The following USP24 variants were observed in gnomAD, a reference collection of about 807,000 sequenced individuals.
USP24 encodes the protein ubiquitin specific peptidase 24, also known as ubiquitin carboxyl-terminal hydrolase 24.
USP24 carries 97 observed loss-of-function variants against 361.6 expected under a neutral mutation model. The observed-to-expected ratio is 0.27, with a 90% CI of 0.23 to 0.32. The LOEUF (loss-of-function observed/expected upper bound fraction) is 0.32, where lower values mean the gene tolerates loss of function less well. USP24 is among the 10% of genes least tolerant of loss of function. The probability of loss-of-function intolerance (pLI) is 1.00; values close to 1 mark genes in which losing one functional copy is unlikely to be tolerated. For missense variants in USP24, 2,353 were observed against 3,165.6 expected (o/e 0.74, Z 6.16); for synonymous variants, 1,098 against 1,124.6 (o/e 0.98, Z 0.47).
At chr1:55,109,448 T>C (rs1645887862) in intron 39 of USP24, among the ~76,000 whole-genome samples, 1 of 152,234 alleles carries the variant, frequency 6.6e-6, no homozygotes. Context: ...TTTGAGAAAC[T>C]ATTCTATTTC....
intron 42 of USP24, 141 bp from the exon 43 acceptor site, chr1:55,101,844 A>G (rs1645643047): frequency 9.1e-7 from 1 of 1,102,008 alleles, no homozygotes; most frequent in Non-Finnish European, 1.2e-6. Flanking sequence ...GGCAAAACCT[A>G]TGTTCATGAA....
At chr1:55,093,735 TC>T in intron 52 of USP24, 1 of 571,952 alleles carries the variant, frequency 1.7e-6, no homozygotes, top group South Asian at 3.0e-5. Flanking sequence ...GAGTGTGTAT[TC>T]ATACTTGTGT....
intron 41 of USP24, among the ~76,000 whole-genome samples, chr1:55,105,324 T>A (rs1328847149): frequency 3.3e-5 from 5 of 151,610 alleles, no homozygotes; most frequent in Admixed American, 6.6e-5. Flanking sequence ...AGGGTTTTAC[T>A]TTTTTTTCTT....
At chr1:55,095,136 C>A in intron 51 of USP24, 119 bp downstream of exon 51, 1 of 1,230,200 alleles carries the variant, frequency 8.1e-7, no homozygotes, top group Non-Finnish European at 1.1e-6. Flanking sequence ...TTTTGGAATT[C>A]TTTTTAGAAT....
At chr1:55,202,202 C>T (rs1644593791) in intron 1 of USP24, among the ~76,000 whole-genome samples, 6 of 152,160 alleles carry the variant, frequency 3.9e-5, no homozygotes. Context: ...AGTATATTTA[C>T]ACCATTCCAA....
chr1:55,212,903 T>C (rs1644883044), intron 1 of USP24, among the ~76,000 whole-genome samples: 2 of 152,230 alleles, frequency 1.3e-5, no homozygotes, highest in African/African-American at 4.8e-5. Flanking sequence ...CCAAACTCCT[T>C]AGCCTGCCAT....
chr1:55,099,742 A>G, intron 45 of USP24, 29 bp downstream of exon 45: 1 of 1,463,694 alleles, frequency 6.8e-7, no homozygotes, highest in Non-Finnish European at 9.4e-7. Context: ...AGTTTGAGGG[A>G]GTTAGAGGGA....
intron 60 of USP24, 78 bp downstream of exon 60, chr1:55,079,460 C>A (rs918575017): frequency 6.6e-6 from 10 of 1,517,626 alleles, no homozygotes; most frequent in Admixed American, 2.5e-5. Context: ...ACTCTTCATG[C>A]CAAACATAAC....
chr1:55,079,472 CG>C, intron 60 of USP24, 65 bp downstream of exon 60: 1 of 1,540,566 alleles, frequency 6.5e-7, no homozygotes, highest in Non-Finnish European at 8.7e-7. Flanking sequence ...AAACATAACT[CG>C]TAACAAAAAG....
chr1:55,176,062 TTAAG>T (rs1458723235), intron 3 of USP24, among the ~76,000 whole-genome samples: 17 of 152,356 alleles, frequency 1.1e-4, no homozygotes, highest in African/African-American at 1.2e-4. Flanking sequence ...CCTAGTATAA[TTAAG>T]TCTTAATCTA....
intron 55 of USP24, among the ~76,000 whole-genome samples, chr1:55,087,187 T>C (rs1645270053): frequency 1.3e-5 from 2 of 152,048 alleles, no homozygotes; most frequent in Admixed American, 1.3e-4. Flanking sequence ...AAATAAGTAA[T>C]TAGAAAAAAA....
rs56724147 is a variant in USP24 at position 55,199,641 on chromosome 1, CAGAG to C, written c.324+15145_324+15148del. On this transcript the variant is annotated intron_variant, in intron 1 of 67. Transcript: ENST00000294383. ...TGTGTGTGAGAGAGAGAGAGACAGACAGAGAGAGAAGCTAAAGCAAATGTGACAA... is the reference window on the plus strand; with the variant it reads ...TGTGTGTGAGAGAGAGAGAGACAGACAGAGAAGCTAAAGCAAATGTGACAA... Among the ~76,000 whole-genome samples the C allele has an allele frequency of 6.7e-3, 937 of 139,306 alleles. 9 individuals are homozygous for C. The highest frequency in any genetic ancestry group is 0.025 in the African/African-American group (871 of 35,230). 91.4% of individuals were successfully genotyped at this position (139,306 alleles called of 152,430 possible). A position where few individuals can be genotyped will look rare whatever the true frequency, so the allele number is the denominator to read the frequency against.
At chr1:55,162,927 T>C (rs1283977090) in intron 7 of USP24, among the ~76,000 whole-genome samples, 5 of 151,824 alleles carry the variant, frequency 3.3e-5, no homozygotes, top group Non-Finnish European at 5.9e-5. Context: ...AGTACAGAAA[T>C]GAACCAAATA....
In USP24 at chr1:55,081,398, T is replaced by C. The variant is rs377487399; in HGVS notation, c.7002A>G (p.Ala2334=). 1.9e-6 allele frequency: 3 copies of C among 1,613,636 alleles called. No homozygotes were observed. The highest frequency in any genetic ancestry group is 2.5e-6 in the Non-Finnish European group (3 of 1,179,718). The change falls in exon 59 of 68, where the codon GCA becomes GCG. Residue 2334 remains alanine (A), a synonymous_variant. Transcript: ENST00000294383. ...NQIRRWSSAQ[A]REFGNLHNTV... ...TATTGTGAAGATTCCCAAATTCTCGTGCTTGTGCTGAACTCCATCGACGTA... is the reference window on the plus strand; with the variant it reads ...TATTGTGAAGATTCCCAAATTCTCGCGCTTGTGCTGAACTCCATCGACGTA...
chr1:55,196,758 G>A (rs143480931), intron 1 of USP24, among the ~76,000 whole-genome samples: 16 of 152,106 alleles, frequency 1.1e-4, no homozygotes, highest in Admixed American at 3.3e-4. Context: ...GAAAACCTTC[G>A]ATGCCTTTGT....
At chr1:55,117,499 C>T (rs12037763) in intron 38 of USP24, among the ~76,000 whole-genome samples, 139 of 152,008 alleles carry the variant, frequency 9.1e-4, no homozygotes, top group East Asian at 5.2e-3. Flanking sequence ...GAGGCCGAGG[C>T]GGGTGGATCA....
At position 55,169,547 on chromosome 1, in the gene USP24, A is replaced by G. The variant is rs114365505; in HGVS notation, c.825+2009T>C. 3.8e-3 allele frequency among the ~76,000 whole-genome samples: 582 copies of G among 152,330 alleles called. 5 individuals are homozygous for G. The highest frequency in any genetic ancestry group is 0.013 in the African/African-American group (545 of 41,584). The stretch of plus-strand genomic sequence containing the variant: ...ACAATCAAATTTACAAACATTAAAG[A>G]GAAAGAAAAGATTTCAAAATACAGC... On this transcript the variant is annotated intron_variant, in intron 5 of 67. Coordinates refer to ENST00000294383, the MANE Select transcript of USP24 (RefSeq NM_015306.3).
intron 26 of USP24, 25 bp downstream of exon 26, chr1:55,138,583 G>C: frequency 6.7e-7 from 1 of 1,492,376 alleles, no homozygotes; most frequent in Non-Finnish European, 9.3e-7. Flanking sequence ...CATGAAAATG[G>C]CTGTAGTTCT....
intron 1 of USP24, among the ~76,000 whole-genome samples, chr1:55,179,287 C>T (rs1175130349): frequency 6.6e-6 from 1 of 152,160 alleles, no homozygotes; most frequent in East Asian, 1.9e-4. Flanking sequence ...TCTGTCTCCT[C>T]TTCTGGTACA....
Sources: gnomAD v4.1 joint callset for allele counts (sites outside exome capture counted in the v4.1 genomes callset) on GRCh38, gnomAD v4.1.1 for gene constraint, MANE v1.5 for transcripts, NCBI Gene and HGNC (gene_info 2026-07-23, HGNC 2026-07-21) for gene names.